SLC13A1: variants seen among roughly 807,000 people sequenced by gnomAD.
The protein encoded by SLC13A1 is solute carrier family 13 member 1, also known as Na(+)/sulfate cotransporter.
Under a neutral mutation model 70.0 loss-of-function variants are expected in SLC13A1, and 65 were observed. The observed-to-expected ratio is 0.93, with a 90% CI of 0.76 to 1.14. The LOEUF (loss-of-function observed/expected upper bound fraction) is 1.14. Among genes scored for constraint, SLC13A1 ranks in the 50% most tolerant of loss-of-function variants. The probability of loss-of-function intolerance (pLI) is 0.00; values close to 1 mark genes in which losing one functional copy is unlikely to be tolerated. For missense variants in SLC13A1, 726 were observed against 717.8 expected (o/e 1.01, Z -0.13); for synonymous variants, 275 against 250.5 (o/e 1.10, Z -0.92).
At chr7:123,164,156 T>C (rs1355629970) in intron 6 of SLC13A1, among the ~76,000 whole-genome samples, 2 of 151,902 alleles carry the variant, frequency 1.3e-5, no homozygotes, top group Non-Finnish European at 2.9e-5. Flanking sequence ...TGCAGTGAAA[T>C]AGGGAGATTA....
rs370300948 is a variant in SLC13A1 at position 123,190,517 on chromosome 7, C to T, written c.99+9331G>A. 191 of 456,150 alleles carry T rather than the reference C, an allele frequency of 4.2e-4. 2 individuals carry two copies. The East Asian group carries it at 9.2e-3, about 22-fold the overall frequency. 28.3% of individuals were successfully genotyped at this position (456,150 alleles called of 1,614,324 possible). ...GTCCTTTAAATTCTGAGACTGGTCA[C>T]TGGACGGAGGCCCTCCTGGTCAGTC... is the stretch of plus-strand genomic sequence containing the variant. On this transcript the variant is annotated intron_variant, in intron 1 of 14. Transcript: ENST00000194130.
Position 123,169,141 on chromosome 7 carries a change from G to C in SLC13A1, c.553+7C>G. ...GACCCCAGATTGGCCATATCAACAT[G>C]TGATACCATCAATTTCTAGTCCGTG... On this transcript the variant is annotated splice_region_variant and intron_variant, in intron 4 of 14. Coordinates refer to ENST00000194130, the MANE Select transcript of SLC13A1 (RefSeq NM_022444.4). 1 of 1,613,474 alleles carries C rather than the reference G, an allele frequency of 6.2e-7. No individual in the cohort carries two copies. Among genetic ancestry groups the C allele is most frequent in the Non-Finnish European group, 8.5e-7 (1 of 1,179,526 alleles).
At chr7:123,160,485 T>C (rs909866754) in intron 6 of SLC13A1, among the ~76,000 whole-genome samples, 1 of 152,028 alleles carries the variant, frequency 6.6e-6, no homozygotes, top group Admixed American at 6.6e-5. Flanking sequence ...ATAGAATACC[T>C]GCATGATAGA....
In SLC13A1 at chr7:123,188,718, A is replaced by G. The variant is rs187981870; in HGVS notation, c.100-7617T>C. 3.1e-4 allele frequency among the ~76,000 whole-genome samples: 47 copies of G among 152,186 alleles called. No individual in the cohort carries two copies. In the East Asian group the frequency reaches 7.1e-3, roughly 23 times the overall value. ...ATTTTTCTTAGTCTCTGGCTTGTCT[A>G]TGAAATTAGCTTTATTGTATTTTTA... On this transcript the variant is annotated intron_variant, in intron 1 of 14. Transcript: ENST00000194130.
intron 10 of SLC13A1, 102 bp from the exon 11 acceptor site, chr7:123,125,777 G>A: frequency 2.6e-6 from 2 of 773,234 alleles, no homozygotes; most frequent in South Asian, 3.0e-5. Flanking sequence ...GTTATTATCA[G>A]TAGTAGGTGG....
At chr7:123,161,956 T>C (rs1477141260) in intron 6 of SLC13A1, among the ~76,000 whole-genome samples, 6 of 151,942 alleles carry the variant, frequency 3.9e-5, no homozygotes, top group Admixed American at 6.6e-5. Flanking sequence ...TCACGTTTTA[T>C]ACAGGCATAT....
chr7:123,132,442 G>A (rs1793795967), intron 8 of SLC13A1, among the ~76,000 whole-genome samples: 1 of 152,078 alleles, frequency 6.6e-6, no homozygotes, highest in South Asian at 2.1e-4. Context: ...TGCGATCTCG[G>A]CTCACTGCAA....
chr7:123,122,662 A>G (rs1793422494), intron 12 of SLC13A1, among the ~76,000 whole-genome samples: 1 of 152,144 alleles, frequency 6.6e-6, no homozygotes, highest in Non-Finnish European at 1.5e-5. Flanking sequence ...TTTACTAATT[A>G]TCTTTAAAGC....
rs146835273 is a variant in SLC13A1 at position 123,178,017 on chromosome 7, T to TTC, written c.228+2954_228+2955dup. Among the ~76,000 whole-genome samples the TTC allele has an allele frequency of 7.2e-3, 1,067 of 148,988 alleles. 7 individuals are homozygous for TTC. Among genetic ancestry groups the TTC allele is most frequent in the African/African-American group, 0.012 (502 of 40,518 alleles). On this transcript the variant is annotated intron_variant, in intron 2 of 14. Coordinates refer to ENST00000194130, the MANE Select transcript of SLC13A1 (RefSeq NM_022444.4). ...TAACATAACACCTATATCTCTCTCTTTCTCTCTCTCTCTCTCTATATATAT... is the reference window on the plus strand; with the variant it reads ...TAACATAACACCTATATCTCTCTCTTTCTCTCTCTCTCTCTCTCTATATATAT...
In SLC13A1 at chr7:123,113,704, CAT is replaced by C. The variant is rs1428400260; in HGVS notation, c.*1812_*1813del. 1 of 151,812 alleles carries C rather than the reference CAT, an allele frequency of 6.6e-6. No individual in the cohort carries two copies. The highest frequency in any genetic ancestry group is 1.5e-5 in the Non-Finnish European group (1 of 67,896). The allele number at this position is 151,812 out of a possible 1,614,324, so 9.4% of individuals were successfully genotyped here. On this transcript the variant is annotated 3_prime_UTR_variant, in exon 15 of 15. Coordinates refer to ENST00000194130, the MANE Select transcript of SLC13A1 (RefSeq NM_022444.4). Reference sequence around the variant, plus strand: ...GAAAGGAACAAATGAATAGAATAAACATAGAAGAGTTATACAAAGCAGCAATA... The same window carrying C: ...GAAAGGAACAAATGAATAGAATAAACAGAAGAGTTATACAAAGCAGCAATA...
At chr7:123,146,158 A>G (rs1367184043) in intron 7 of SLC13A1, among the ~76,000 whole-genome samples, 1 of 152,214 alleles carries the variant, frequency 6.6e-6, no homozygotes, top group Non-Finnish European at 1.5e-5. Context: ...TCTCACAATA[A>G]CCCTATCAAC....
intron 1 of SLC13A1, among the ~76,000 whole-genome samples, chr7:123,194,464 C>T (rs1306335526): frequency 6.6e-6 from 1 of 152,032 alleles, no homozygotes; most frequent in East Asian, 1.9e-4. Flanking sequence ...ATCAGCAAAA[C>T]CATCTTTTGT....
At position 123,132,169 on chromosome 7, in the gene SLC13A1, A is replaced by G. The variant is rs558048581; in HGVS notation, c.932+2241T>C. Among the ~76,000 whole-genome samples, 264 of 152,274 alleles carry G rather than the reference A, an allele frequency of 1.7e-3. 1 individual carries two copies. Among genetic ancestry groups the G allele is most frequent in the Non-Finnish European group, 2.8e-3 (191 of 68,020 alleles). On this transcript the variant is annotated intron_variant, in intron 8 of 14. Transcript: ENST00000194130. ...TTTACACATTTGCTTCAGCAGGAGG[A>G]CTGCCACATGCTGCTCCCACAATCT...
At chr7:123,135,503 T>C (rs762097701) in intron 7 of SLC13A1, among the ~76,000 whole-genome samples, 1 of 152,128 alleles carries the variant, frequency 6.6e-6, no homozygotes, top group Non-Finnish European at 1.5e-5. Context: ...CATTAACATA[T>C]TTTAATATGT....
At position 123,116,627 on chromosome 7, in the gene SLC13A1, G is replaced by A. The variant is rs113490263; in HGVS notation, c.1650+844C>T. ...ATCCTTTTTAATACACATACATCAG[G>A]CATTACTTATATTCTATTATGCACG... is the stretch of plus-strand genomic sequence containing the variant. On this transcript the variant is annotated intron_variant, in intron 14 of 14. Coordinates refer to ENST00000194130, the MANE Select transcript of SLC13A1 (RefSeq NM_022444.4). 3.4e-3 allele frequency among the ~76,000 whole-genome samples: 519 copies of A among 152,144 alleles called. 3 individuals carry two copies. Among genetic ancestry groups the A allele is most frequent in the Non-Finnish European group, 5.2e-3 (353 of 68,004 alleles).
At chr7:123,150,766 G>T (rs1794526874) in intron 6 of SLC13A1, among the ~76,000 whole-genome samples, 2 of 151,830 alleles carry the variant, frequency 1.3e-5, no homozygotes, top group South Asian at 4.2e-4. Context: ...CTCTGCTTTG[G>T]GTTTCTGTGA....
chr7:123,178,333 G>A (rs1440901487), intron 2 of SLC13A1, among the ~76,000 whole-genome samples: 1 of 152,046 alleles, frequency 6.6e-6, no homozygotes. Context: ...TCTAAACTTA[G>A]ATGAGGGCAT....
At chr7:123,162,225 A>G (rs1035251203) in intron 6 of SLC13A1, among the ~76,000 whole-genome samples, 3 of 152,160 alleles carry the variant, frequency 2.0e-5, no homozygotes, top group Non-Finnish European at 2.9e-5. Flanking sequence ...AATGTGAAGA[A>G]CTAGATTTTT....
At chr7:123,172,229 T>C (rs1448252501) in intron 2 of SLC13A1, among the ~76,000 whole-genome samples, 1 of 152,176 alleles carries the variant, frequency 6.6e-6, no homozygotes, top group Non-Finnish European at 1.5e-5. Context: ...TTGGGAACGT[T>C]TTCAATCAAG....
Sources: allele counts gnomAD v4.1 joint callset (sites outside exome capture counted in the v4.1 genomes callset), GRCh38; gene constraint gnomAD v4.1.1; transcripts MANE v1.5; gene names NCBI Gene and HGNC (gene_info 2026-07-23, HGNC 2026-07-21).